Variants in CNTN1 observed in about 807,000 individuals in gnomAD.
The protein encoded by CNTN1 is contactin 1.
Under a neutral mutation model 126.4 loss-of-function variants are expected in CNTN1, and 38 were observed. That is an observed-to-expected ratio of 0.30 (90% CI 0.23 to 0.39). CNTN1 has a LOEUF of 0.39. Among genes scored for constraint, CNTN1 ranks in the 10% least tolerant of loss-of-function variants. The probability of loss-of-function intolerance (pLI) is 1.00; values close to 1 mark genes in which losing one functional copy is unlikely to be tolerated. For missense variants in CNTN1, 1,009 were observed against 1,248.4 expected (o/e 0.81, Z 2.89); for synonymous variants, 413 against 422.6 (o/e 0.98, Z 0.28).
chr12:40,765,071 T>A (rs1939026520), intron 1 of CNTN1, among the ~76,000 whole-genome samples: 1 of 151,044 alleles, frequency 6.6e-6, no homozygotes, highest in Non-Finnish European at 1.5e-5. Context: ...ATATATTAGG[T>A]CATATAGAAT....
At chr12:41,000,838 G>A (rs1015625011) in intron 17 of CNTN1, among the ~76,000 whole-genome samples, 1 of 151,996 alleles carries the variant, frequency 6.6e-6, no homozygotes, top group African/African-American at 2.4e-5. Flanking sequence ...ATGTGTCCAG[G>A]TGTTCTCATC....
intron 20 of CNTN1, among the ~76,000 whole-genome samples, chr12:41,021,051 A>ACAATGCTAATG (rs1418103333): frequency 3.9e-5 from 6 of 152,236 alleles, no homozygotes; most frequent in African/African-American, 1.4e-4. Context: ...GGTCTTTAAT[A>ACAATGCTAATG]CAATGCTAAT....
intron 1 of CNTN1, among the ~76,000 whole-genome samples, chr12:40,710,726 G>A (rs1024836296): frequency 1.3e-5 from 2 of 152,084 alleles, no homozygotes; most frequent in African/African-American, 4.8e-5. Context: ...GTACAGACTT[G>A]TAAAACAATG....
intron 23 of CNTN1, among the ~76,000 whole-genome samples, chr12:41,029,472 G>A (rs569356214): frequency 6.6e-6 from 1 of 152,176 alleles, no homozygotes; most frequent in South Asian, 2.1e-4. Flanking sequence ...GACATAAGAC[G>A]AACGAGTTTT....
At chr12:40,775,931 C>T (rs1341025545) in intron 1 of CNTN1, among the ~76,000 whole-genome samples, 1 of 151,556 alleles carries the variant, frequency 6.6e-6, no homozygotes, top group Non-Finnish European at 1.5e-5. Context: ...ATAGTTACTT[C>T]ATGAGTCAAT....
At chr12:41,012,336 A>G (rs1442861791) in intron 17 of CNTN1, among the ~76,000 whole-genome samples, 1 of 152,228 alleles carries the variant, frequency 6.6e-6, no homozygotes, top group Non-Finnish European at 1.5e-5. Context: ...CTATGACATT[A>G]TCTGATCTTG....
At chr12:40,911,133 T>G (rs1416016579) in intron 3 of CNTN1, among the ~76,000 whole-genome samples, 1 of 152,194 alleles carries the variant, frequency 6.6e-6, no homozygotes, top group East Asian at 1.9e-4. Context: ...CAGGCTGGAG[T>G]GCAGCGGCGC....
intron 1 of CNTN1, among the ~76,000 whole-genome samples, chr12:40,886,575 GA>G (rs1165600083): frequency 1.3e-5 from 2 of 152,106 alleles, no homozygotes; most frequent in Non-Finnish European, 2.9e-5. Flanking sequence ...AGTTTAATTA[GA>G]TCCCATTTGT....
intron 14 of CNTN1, among the ~76,000 whole-genome samples, chr12:40,948,352 C>CA (rs202160837): frequency 0.038 from 4,003 of 105,522 alleles, 153 homozygotes; most frequent in African/African-American, 0.12. Context: ...AGACTGAGAC[C>CA]AAAAAAAAAA....
intron 1 of CNTN1, among the ~76,000 whole-genome samples, chr12:40,779,740 G>A (rs1340646982): frequency 6.6e-6 from 1 of 151,874 alleles, no homozygotes; most frequent in Non-Finnish European, 1.5e-5. Context: ...AAGAGCAGAA[G>A]TTAAATCTAT....
intron 1 of CNTN1, among the ~76,000 whole-genome samples, chr12:40,718,773 A>C (rs979608268): frequency 6.6e-6 from 1 of 152,170 alleles, no homozygotes; most frequent in Non-Finnish European, 1.5e-5. Context: ...TAGGGCTGGG[A>C]TTCTGAGTCA....
chr12:41,026,493 T>A (rs1455060930), intron 21 of CNTN1, among the ~76,000 whole-genome samples: 2 of 152,096 alleles, frequency 1.3e-5, no homozygotes, highest in Admixed American at 6.6e-5. Flanking sequence ...ATGATTTGAG[T>A]GATAAATGAT....
chr12:40,798,227 A>G (rs909396614), intron 1 of CNTN1, among the ~76,000 whole-genome samples: 1 of 152,020 alleles, frequency 6.6e-6, no homozygotes, highest in Non-Finnish European at 1.5e-5. Context: ...AAAGAAAAGG[A>G]GGAGAGCCTG....
intron 23 of CNTN1, among the ~76,000 whole-genome samples, chr12:41,033,998 T>C (rs973436573): frequency 2.6e-5 from 4 of 151,758 alleles, no homozygotes; most frequent in Admixed American, 1.3e-4. Context: ...TGCAGTGAGC[T>C]GAGATTGAGC....
At chr12:40,868,709 C>A (rs1033731624) in intron 1 of CNTN1, among the ~76,000 whole-genome samples, 1 of 152,068 alleles carries the variant, frequency 6.6e-6, no homozygotes, top group Admixed American at 6.6e-5. Flanking sequence ...GATTGTACTG[C>A]ATCCCAGCCT....
intron 1 of CNTN1, among the ~76,000 whole-genome samples, chr12:40,745,381 A>G (rs1938139570): frequency 6.6e-6 from 1 of 152,106 alleles, no homozygotes; most frequent in African/African-American, 2.4e-5. Context: ...CAGTCAATAC[A>G]TGTAAGATGT....
chr12:40,837,351 C>T (rs1942098243), intron 1 of CNTN1, among the ~76,000 whole-genome samples: 1 of 152,158 alleles, frequency 6.6e-6, no homozygotes, highest in African/African-American at 2.4e-5. Flanking sequence ...TGCCCAGAAT[C>T]AGCTGGAAGC....
intron 1 of CNTN1, among the ~76,000 whole-genome samples, chr12:40,816,953 A>G (rs952446359): frequency 6.6e-6 from 1 of 152,066 alleles, no homozygotes; most frequent in Admixed American, 6.6e-5. Context: ...GAAATTGTGT[A>G]GTTTTGTGTG....
Position 40,805,231 on chromosome 12 carries a change from T to A in CNTN1, c.-76-103126T>A, listed in dbSNP as rs368884329. On this transcript the variant is annotated intron_variant, in intron 1 of 23. Coordinates refer to ENST00000551295, the MANE Select transcript of CNTN1 (RefSeq NM_001843.4). ...TTCTTTTTGGAACATTTTCAATAAC[T>A]ATCATCTCAAAATTTCTTCTACCCC... is the stretch of plus-strand genomic sequence containing the variant. 2.3e-4 allele frequency among the ~76,000 whole-genome samples: 35 copies of A among 152,124 alleles called. 1 individual carries two copies. The East Asian group carries it at 2.5e-3, about 11-fold the overall frequency.
Sources: gnomAD v4.1 joint callset for allele counts (sites outside exome capture counted in the v4.1 genomes callset) on GRCh38, gnomAD v4.1.1 for gene constraint, MANE v1.5 for transcripts, NCBI Gene and HGNC (gene_info 2026-07-23, HGNC 2026-07-21) for gene names.